Variants in ARHGAP24 observed in about 807,000 individuals in gnomAD.
ARHGAP24 encodes Rho GTPase activating protein 24.
ARHGAP24 carries 50 observed loss-of-function variants against 76.4 expected under a neutral mutation model. The observed-to-expected ratio is 0.65, with a 90% CI of 0.52 to 0.83. The LOEUF (loss-of-function observed/expected upper bound fraction) is 0.83, where lower values mean the gene tolerates loss of function less well. Ranked by LOEUF, ARHGAP24 falls within the 40% of genes least tolerant of loss-of-function variation. The pLI is 0.00. For synonymous variants in ARHGAP24, 345 were observed against 323.3 expected, an observed-to-expected ratio of 1.07 and a Z score of -0.72; for missense variants, 930 against 914.2, an observed-to-expected ratio of 1.02 and a Z score of -0.22.
chr4:85,972,241 TA>T, intron 6 of ARHGAP24, 73 bp downstream of exon 6: 1 of 1,585,704 alleles, frequency 6.3e-7, no homozygotes. Context: ...CTTAAATCTG[TA>T]AATTTCCATT....
intron 1 of ARHGAP24, among the ~76,000 whole-genome samples, chr4:85,488,644 T>A (rs1315173197): frequency 6.6e-6 from 1 of 152,176 alleles, no homozygotes; most frequent in Non-Finnish European, 1.5e-5. Flanking sequence ...GCTGGCCTAT[T>A]TCTCAGGAGC....
intron 1 of ARHGAP24, among the ~76,000 whole-genome samples, chr4:85,498,190 T>C (rs1434343606): frequency 1.3e-5 from 2 of 152,206 alleles, no homozygotes; most frequent in Non-Finnish European, 2.9e-5. Flanking sequence ...GTGACTAATA[T>C]CTTGAATCTC....
At position 85,626,868 on chromosome 4, in the gene ARHGAP24, C is replaced by T. The variant is rs992524662; in HGVS notation, c.180+56147C>T. 4.6e-5 allele frequency among the ~76,000 whole-genome samples: 7 copies of T among 152,180 alleles called. 1 individual carries two copies. The East Asian group carries it at 5.8e-4, about 13-fold the overall frequency. On this transcript the variant is annotated intron_variant, in intron 2 of 9. Coordinates refer to ENST00000395184, the MANE Select transcript of ARHGAP24 (RefSeq NM_001025616.3). The stretch of plus-strand genomic sequence containing the variant: ...TACTCTTTCTTCTAGTTGATCGCAT[C>T]GGCTACTGAGGCTTCTGCATTTGTC...
chr4:85,518,180 T>C (rs1006215233), intron 1 of ARHGAP24, among the ~76,000 whole-genome samples: 3 of 152,048 alleles, frequency 2.0e-5, no homozygotes, highest in Admixed American at 1.3e-4. Flanking sequence ...CAAAATAATA[T>C]GTAAGGTGTT....
intron 2 of ARHGAP24, among the ~76,000 whole-genome samples, chr4:85,604,569 G>A (rs1337010977): frequency 6.6e-6 from 1 of 152,104 alleles, no homozygotes; most frequent in African/African-American, 2.4e-5. Context: ...TAAAAAGATA[G>A]ATGTATCGTC....
intron 2 of ARHGAP24, among the ~76,000 whole-genome samples, chr4:85,703,115 G>A (rs78899411): frequency 0.03 from 4,629 of 152,180 alleles, 208 homozygotes; most frequent in African/African-American, 0.11. Context: ...TAAAAATGAG[G>A]CTATGAAAGA....
intron 6 of ARHGAP24, among the ~76,000 whole-genome samples, chr4:85,973,654 G>A (rs989574603): frequency 4.6e-5 from 7 of 151,842 alleles, no homozygotes; most frequent in South Asian, 2.1e-4. Flanking sequence ...CTATAGCTTC[G>A]GCTTTTACAT....
At chr4:85,911,551 G>T (rs1395857984) in intron 3 of ARHGAP24, among the ~76,000 whole-genome samples, 2 of 152,128 alleles carry the variant, frequency 1.3e-5, no homozygotes, top group East Asian at 3.8e-4. Flanking sequence ...TATCGTATTT[G>T]CTGATAAGTG....
At chr4:85,954,795 G>T (rs957950682) in intron 5 of ARHGAP24, among the ~76,000 whole-genome samples, 10 of 152,214 alleles carry the variant, frequency 6.6e-5, no homozygotes, top group African/African-American at 2.4e-4. Flanking sequence ...ATCACCTGAG[G>T]TCGGGAGTTC....
intron 3 of ARHGAP24, among the ~76,000 whole-genome samples, chr4:85,885,103 T>C (rs1297259217): frequency 6.6e-6 from 1 of 152,152 alleles, no homozygotes; most frequent in Non-Finnish European, 1.5e-5. Flanking sequence ...AGTGTTTAGA[T>C]TTATTCATTA....
chr4:85,977,504 A>G, intron 7 of ARHGAP24, 66 bp from the exon 8 acceptor site: 11 of 1,559,930 alleles, frequency 7.1e-6, no homozygotes, highest in Non-Finnish European at 9.7e-6. Flanking sequence ...TTTTCTAATG[A>G]TCGATTTTTC....
At chr4:85,899,478 A>G (rs1734376159) in intron 3 of ARHGAP24, among the ~76,000 whole-genome samples, 1 of 152,188 alleles carries the variant, frequency 6.6e-6, no homozygotes, top group Admixed American at 6.5e-5. Context: ...TTACGTAGAA[A>G]CAGAATCACC....
Position 85,619,454 on chromosome 4 carries a change from C to T in ARHGAP24, c.180+48733C>T, listed in dbSNP as rs1357309855. On this transcript the variant is annotated intron_variant, in intron 2 of 9. Coordinates refer to ENST00000395184, the MANE Select transcript of ARHGAP24 (RefSeq NM_001025616.3). ...GATTGCTTTGGCTATTTGGGGTCTT[C>T]TATTATTCCTTATAAATTTTAGGAC... Among the ~76,000 whole-genome samples the T allele has an allele frequency of 4.0e-5, 6 of 151,182 alleles. No individual in the cohort carries two copies. In the East Asian group the frequency reaches 1.2e-3, roughly 29 times the overall value.
At chr4:85,645,794 G>GA (rs1249115657) in intron 2 of ARHGAP24, among the ~76,000 whole-genome samples, 8 of 152,032 alleles carry the variant, frequency 5.3e-5, no homozygotes, top group African/African-American at 1.9e-4. Flanking sequence ...GAGAGCTTAT[G>GA]AAAAATATAT....
chr4:85,647,143 T>C (rs1170451788), intron 2 of ARHGAP24, among the ~76,000 whole-genome samples: 5 of 152,066 alleles, frequency 3.3e-5, no homozygotes, highest in African/African-American at 1.2e-4. Flanking sequence ...AGACATGCAA[T>C]GTAGTTAGGC....
chr4:85,838,677 G>GC (rs879390613), intron 3 of ARHGAP24, among the ~76,000 whole-genome samples: 2 of 151,752 alleles, frequency 1.3e-5, no homozygotes, highest in Non-Finnish European at 2.9e-5. Context: ...TGGCAGATAT[G>GC]CCCCCCACTT....
intron 1 of ARHGAP24, among the ~76,000 whole-genome samples, chr4:85,513,598 C>G (rs1354830257): frequency 6.6e-6 from 1 of 151,568 alleles, no homozygotes; most frequent in Non-Finnish European, 1.5e-5. Flanking sequence ...ATGACCTGGT[C>G]TCTTGGTCAG....
intron 2 of ARHGAP24, among the ~76,000 whole-genome samples, chr4:85,587,624 C>T (rs949826304): frequency 6.6e-6 from 1 of 152,088 alleles, no homozygotes; most frequent in African/African-American, 2.4e-5. Flanking sequence ...TAGAAGTATA[C>T]ACTTTAGTCA....
intron 3 of ARHGAP24, chr4:85,827,667 T>C (rs912671635): frequency 3.5e-5 from 8 of 230,082 alleles, no homozygotes; most frequent in African/African-American, 1.8e-4. Flanking sequence ...TTTAGGGTCT[T>C]TCCATGACAG....
Sources: gnomAD v4.1 joint callset for allele counts (sites outside exome capture counted in the v4.1 genomes callset) on GRCh38, gnomAD v4.1.1 for gene constraint, MANE v1.5 for transcripts, NCBI Gene and HGNC (gene_info 2026-07-23, HGNC 2026-07-21) for gene names.